CASK: variants seen among roughly 807,000 people sequenced by gnomAD.
CASK encodes calcium/calmodulin dependent serine protein kinase, also known as peripheral plasma membrane protein CASK.
CASK carries 4 observed loss-of-function variants against 82.9 expected under a neutral mutation model. That is an observed-to-expected ratio of 0.05 (90% CI 0.02 to 0.11). The LOEUF (loss-of-function observed/expected upper bound fraction) is 0.11, where lower values mean the gene tolerates loss of function less well. CASK is among the 10% of genes least tolerant of loss of function. The pLI, the probability that CASK is intolerant of heterozygous loss-of-function variation, is 1.00. For synonymous variants in CASK, 259 were observed against 253.5 expected (o/e 1.02, Z -0.20); for missense variants, 358 against 720.9 (o/e 0.50, Z 5.76).
At chrX:41,757,759 C>T (rs763494594) in intron 3 of CASK, among the ~76,000 whole-genome samples, 4 of 111,938 alleles carry the variant, frequency 3.6e-5, no homozygotes, top group South Asian at 7.6e-4. Context: ...CTCAACCTCC[C>T]GAAGTGTTGG....
At chrX:41,906,584 T>C (rs184623171) in intron 1 of CASK, among the ~76,000 whole-genome samples, 2 of 112,138 alleles carry the variant, frequency 1.8e-5, no homozygotes, top group East Asian at 5.6e-4. Flanking sequence ...CCCAGGGAAA[T>C]TATTAAAGCT....
At chrX:41,783,738 C>A (rs1386656852) in intron 3 of CASK, among the ~76,000 whole-genome samples, 1 of 111,335 alleles carries the variant, frequency 9.0e-6, no homozygotes, top group African/African-American at 3.3e-5. Flanking sequence ...TAAGTTTAAT[C>A]ATCAAAAAGG....
chrX:41,773,785 A>G (rs1044875480), intron 3 of CASK, among the ~76,000 whole-genome samples: 5 of 111,261 alleles, frequency 4.5e-5, no homozygotes, highest in Non-Finnish European at 9.4e-5. Context: ...AAAATATAGC[A>G]TAAAAGATAA....
intron 11 of CASK, among the ~76,000 whole-genome samples, chrX:41,613,321 TG>T (rs1360073321): frequency 9.6e-6 from 1 of 103,666 alleles, no homozygotes; most frequent in East Asian, 3.0e-4. Flanking sequence ...CCTCTTGATC[TG>T]TGACCTTACC....
chrX:41,843,249 C>T (rs761247540), intron 2 of CASK, among the ~76,000 whole-genome samples: 19 of 111,702 alleles, frequency 1.7e-4, no homozygotes, highest in African/African-American at 4.5e-4. Flanking sequence ...TCCTGATCTT[C>T]GGAGGAAAGC....
chrX:41,791,960 A>G (rs2069731895), intron 2 of CASK, among the ~76,000 whole-genome samples: 1 of 111,592 alleles, frequency 9.0e-6, no homozygotes, highest in African/African-American at 3.3e-5. Flanking sequence ...TAATACAGGT[A>G]GCAATATTTA....
chrX:41,767,164 C>G (rs757627960), intron 3 of CASK, among the ~76,000 whole-genome samples: 1 of 111,687 alleles, frequency 9.0e-6, no homozygotes, highest in Non-Finnish European at 1.9e-5. Flanking sequence ...TACAGTTGAT[C>G]CTTTAACAAC....
chrX:41,592,943 A>T (rs2065768500), intron 12 of CASK, among the ~76,000 whole-genome samples: 1 of 111,939 alleles, frequency 8.9e-6, no homozygotes, highest in Non-Finnish European at 1.9e-5. Flanking sequence ...AGTGCCTGGA[A>T]TCTCTTTTGA....
intron 4 of CASK, 98 bp from the exon 5 acceptor site, chrX:41,739,554 C>T: frequency 7.1e-6 from 4 of 560,378 alleles, no homozygotes; most frequent in Non-Finnish European, 1.2e-5. Flanking sequence ...CTCATATTAG[C>T]TGTCCATGGA....
chrX:41,793,186 TTGTTAC>T (rs1326948258), intron 2 of CASK, among the ~76,000 whole-genome samples: 1 of 111,895 alleles, frequency 8.9e-6, no homozygotes, highest in East Asian at 2.8e-4. Flanking sequence ...AAGTCCTCAT[TTGTTAC>T]TGTAATAACC....
chrX:41,874,609 A>G (rs1186828609), intron 1 of CASK, among the ~76,000 whole-genome samples: 1 of 112,161 alleles, frequency 8.9e-6, no homozygotes, highest in Non-Finnish European at 1.9e-5. Context: ...ATTTCCCACA[A>G]ATATTTAGCT....
At chrX:41,873,562 T>G (rs976719809) in intron 1 of CASK, among the ~76,000 whole-genome samples, 1 of 111,131 alleles carries the variant, frequency 9.0e-6, no homozygotes, top group African/African-American at 3.3e-5. Context: ...CTATTTTATT[T>G]TGGCTGTAAT....
chrX:41,582,555 C>T (rs988797069), intron 14 of CASK, among the ~76,000 whole-genome samples: 4 of 111,404 alleles, frequency 3.6e-5, no homozygotes, highest in African/African-American at 1.3e-4. Flanking sequence ...CCTCGTGATC[C>T]GTCCACCTTG....
intron 3 of CASK, among the ~76,000 whole-genome samples, chrX:41,759,914 T>C (rs1000868599): frequency 5.4e-5 from 6 of 111,551 alleles, no homozygotes; most frequent in African/African-American, 2.0e-4. Flanking sequence ...CAGGGTCCTA[T>C]ATTTACCTCT....
At chrX:41,908,658 A>G (rs925079339) in intron 1 of CASK, among the ~76,000 whole-genome samples, 5 of 112,010 alleles carry the variant, frequency 4.5e-5, no homozygotes, top group African/African-American at 1.6e-4. Context: ...ACAAGTCTCT[A>G]CTCATTGAAT....
intron 8 of CASK, among the ~76,000 whole-genome samples, chrX:41,636,969 T>C (rs1405171220): frequency 9.0e-6 from 1 of 111,650 alleles, no homozygotes; most frequent in Non-Finnish European, 1.9e-5. Flanking sequence ...TGTTACTTTT[T>C]TTTTTTTGAG....
Position 41,857,101 on chromosome X carries a change from C to T in CASK, c.60-3874G>A, listed in dbSNP as rs189821312. Reference sequence around the variant, plus strand: ...CCTCCAGCAAAACCCAAAGTCAACACGTTCCACCTGCACCTTCGGAGCTCT... The same window carrying T: ...CCTCCAGCAAAACCCAAAGTCAACATGTTCCACCTGCACCTTCGGAGCTCT... On this transcript the variant is annotated intron_variant, in intron 1 of 26. Transcript: ENST00000378163. Among the ~76,000 whole-genome samples the T allele has an allele frequency of 1.4e-3, 151 of 111,320 alleles. 2 individuals carry two copies. Among genetic ancestry groups the T allele is most frequent in the African/African-American group, 4.7e-3 (145 of 30,594 alleles).
intron 3 of CASK, among the ~76,000 whole-genome samples, chrX:41,772,570 C>A (rs2069266213): frequency 9.0e-6 from 1 of 110,673 alleles, no homozygotes; most frequent in Admixed American, 9.7e-5. Flanking sequence ...TCATTCTTAG[C>A]AAAATACAGT....
chrX:41,741,039 C>T (rs775804135), intron 4 of CASK, among the ~76,000 whole-genome samples: 31 of 110,914 alleles, frequency 2.8e-4, no homozygotes, highest in Non-Finnish European at 3.8e-4. Flanking sequence ...TGCGCCACCA[C>T]GCCTGGCTAG....
Sources: gnomAD v4.1 joint callset for allele counts (sites outside exome capture counted in the v4.1 genomes callset) on GRCh38, gnomAD v4.1.1 for gene constraint, MANE v1.5 for transcripts, NCBI Gene and HGNC (gene_info 2026-07-23, HGNC 2026-07-21) for gene names.